C11orf21: variants seen among roughly 807,000 people sequenced by gnomAD.
The protein encoded by C11orf21 is chromosome 11 open reading frame 21, also known as uncharacterized protein C11orf21.
C11orf21 carries 19 observed loss-of-function variants against 15.2 expected under a neutral mutation model. That is an observed-to-expected ratio of 1.25 (90% CI 0.87 to 1.84). The LOEUF (loss-of-function observed/expected upper bound fraction) is 1.84. Ranked by LOEUF, C11orf21 falls within the 40% of genes most tolerant of loss-of-function variation. C11orf21 has a pLI of 0.00. For synonymous variants in C11orf21, 62 were observed against 66.8 expected, an observed-to-expected ratio of 0.93 and a Z score of 0.35; for missense variants, 171 against 174.4, an observed-to-expected ratio of 0.98 and a Z score of 0.11.
In C11orf21 at chr11:2,301,810, A is replaced by T; in HGVS notation, c.-2T>A. 6.4e-7 allele frequency: 1 copy of T among 1,550,698 alleles called. No individual in the cohort carries two copies. The highest frequency in any genetic ancestry group is 1.4e-5 in the African/African-American group (1 of 73,094). Reference sequence around the variant, plus strand: ...CATCCCACACCAGGTCCTGCCCATGACTTTCCCCCTCTCAGCGCCGTCCTC... The same window carrying T: ...CATCCCACACCAGGTCCTGCCCATGTCTTTCCCCCTCTCAGCGCCGTCCTC... On this transcript the variant is annotated 5_prime_UTR_variant, in exon 1 of 4. Coordinates refer to ENST00000381153, the MANE Select transcript of C11orf21 (RefSeq NM_001329958.2).
intron 2 of C11orf21, 37 bp downstream of exon 2, chr11:2,300,470 GGCTCCCTGCCCCC>G: frequency 8.1e-7 from 1 of 1,241,380 alleles, no homozygotes; most frequent in Non-Finnish European, 1.1e-6. Context: ...GGGTTCCACC[GGCTCCCTGCCCCC>G]GCTGGTGGGG....
At chr11:2,302,064 C>CAGTG (rs1847782094), upstream of C11orf21, 2 of 1,495,360 alleles carry the variant, frequency 1.3e-6, no homozygotes, top group Non-Finnish European at 8.9e-7. Flanking sequence ...ACCTCCTGGG[C>CAGTG]AGTGAGCTGC....
At chr11:2,301,195 C>T in intron 1 of C11orf21, 1 of 245,640 alleles carries the variant, frequency 4.1e-6, no homozygotes, top group Non-Finnish European at 8.1e-6. Context: ...GCTGGGGTTG[C>T]CATGCCTGCA....
chr11:2,301,716 C>G, intron 1 of C11orf21, 40 bp downstream of exon 1: 1 of 1,504,668 alleles, frequency 6.6e-7, no homozygotes, highest in Non-Finnish European at 9.0e-7. Context: ...GCCCCCAAGG[C>G]CCAGTCCACA....
intron 2 of C11orf21, among the ~76,000 whole-genome samples, 154 bp from the exon 3 acceptor site, chr11:2,299,861 C>T (rs1847638188): frequency 7.8e-6 from 1 of 128,642 alleles, no homozygotes; most frequent in South Asian, 2.7e-4. Context: ...CACACGCATC[C>T]ATGCCTGCAC....
chr11:2,297,276 G>T lies in C11orf21; in HGVS notation c.*674C>A. The T allele has an allele frequency of 6.5e-6, 1 of 152,776 alleles. No individual in the cohort carries two copies. 9.5% of individuals were successfully genotyped at this position (152,776 alleles called of 1,614,324 possible). Reference sequence around the variant, plus strand: ...ACTGGTGGGCTGTCAGCTCCTGCCTGGGCCCCGGCCTCTTGCCCCTGTCCC... The same window carrying T: ...ACTGGTGGGCTGTCAGCTCCTGCCTTGGCCCCGGCCTCTTGCCCCTGTCCC... On this transcript the variant is annotated 3_prime_UTR_variant, in exon 4 of 4. Transcript: ENST00000381153.
rs192772362 is a variant in C11orf21, at chr11:2,301,450, G to A, written c.53+306C>T. The A allele has an allele frequency of 1.3e-3, 398 of 300,156 alleles. 2 individuals carry two copies. Among genetic ancestry groups the A allele is most frequent in the African/African-American group, 8.4e-3 (384 of 45,890 alleles). The allele number at this position is 300,156 out of a possible 1,614,324, so 18.6% of individuals were successfully genotyped here. A position where few individuals can be genotyped will look rare whatever the true frequency, so the allele number is the denominator to read the frequency against. On this transcript the variant is annotated intron_variant, in intron 1 of 3. Coordinates refer to ENST00000381153, the MANE Select transcript of C11orf21 (RefSeq NM_001329958.2). Reference sequence around the variant, plus strand: ...CCACCCATACGTAATTACACGGCTCGGTGTAATTGCAAATTCGAGGTTTAC... The same window carrying A: ...CCACCCATACGTAATTACACGGCTCAGTGTAATTGCAAATTCGAGGTTTAC...
chr11:2,301,267 C>G (rs566398979), intron 1 of C11orf21: 1 of 203,818 alleles, frequency 4.9e-6, no homozygotes, highest in African/African-American at 2.3e-5. Flanking sequence ...GCAATTCCAG[C>G]ACCGAGGGGC....
rs551432820 is a variant in C11orf21 at position 2,300,613 on chromosome 11, G to A, written c.54C>T (p.Ser18=). 78 of 1,550,612 alleles carry A rather than the reference G, an allele frequency of 5.0e-5. No individual in the cohort carries two copies. Among genetic ancestry groups the A allele is most frequent in the South Asian group, 4.0e-4 (34 of 84,066 alleles). The change falls in exon 2 of 4, where the codon AGC becomes AGT. Residue 18 remains serine (S), a splice_region_variant and synonymous_variant. Transcript: ENST00000381153. Reference sequence around the variant, plus strand: ...ACAAGTGAGGCCACCTGGGCACAGCGCTGGTGTGAGAAGGAGGCCATCAGG... The same window carrying A: ...ACAAGTGAGGCCACCTGGGCACAGCACTGGTGTGAGAAGGAGGCCATCAGG... ...MWRRRRPGRR[S]AVPRWPHLSS...
intron 3 of C11orf21, among the ~76,000 whole-genome samples, chr11:2,298,939 G>T (rs564259858): frequency 6.6e-6 from 1 of 152,182 alleles, no homozygotes. Flanking sequence ...GTTGGCCAGC[G>T]GAGGCAGCAG....
At chr11:2,302,214 T>G (rs1393926605), upstream of C11orf21, 4 of 1,312,110 alleles carry the variant, frequency 3.0e-6, no homozygotes, top group South Asian at 4.2e-5. Context: ...TTCTTTATCT[T>G]GGTAACAGGC....
At chr11:2,298,238 G>A (rs759609733) in intron 3 of C11orf21, among the ~76,000 whole-genome samples, 9 of 152,242 alleles carry the variant, frequency 5.9e-5, no homozygotes, top group Non-Finnish European at 1.3e-4. Flanking sequence ...ACCTGTCCCA[G>A]AGAGAGGGCA....
Position 2,299,508 on chromosome 11 carries a change from G to A in C11orf21, c.347C>T (p.Ser116Phe). ...GGCCCGAGGACACAGCTTTCCAGAG[G>A]AGGGGCCTGCTTCTAAGTCCAAGTC... Reference protein sequence around the residue: ...GWDLDLEAGPSSGKLCPRARR... With the variant: ...GWDLDLEAGPFSGKLCPRARR... The change falls in exon 3 of 4, where the codon TCC (serine) becomes TTC (phenylalanine). Residue 116 changes from serine to phenylalanine, a missense_variant. Transcript: ENST00000381153. 1 of 1,550,528 alleles carries A rather than the reference G, an allele frequency of 6.4e-7. No homozygotes were observed. Among genetic ancestry groups the A allele is most frequent in the Non-Finnish European group, 8.7e-7 (1 of 1,146,968 alleles).
chr11:2,299,557 G>C lies in C11orf21; in HGVS notation c.298C>G (p.Pro100Ala). 1 of 1,550,774 alleles carries C rather than the reference G, an allele frequency of 6.4e-7. No individual in the cohort carries two copies. Residue 100 changes from proline to alanine, a missense_variant, in exon 3 of 4, where the codon CCC (proline) becomes GCC (alanine). Transcript: ENST00000381153. ...TCCCATCCCAGCCGGATAGCCAGGG[G>C]CAACTGCCCAGGTAAACTGAGACAG... ...CCCLSLPGQL[P>A]LAIRLGWDLD...
Position 2,301,763 on chromosome 11 carries a change from TC to T in C11orf21, c.45del (p.Arg16GlyfsTer40). ...WCGMWRRRRP[G>X]RRSAVPRWPH... ...CCAGGACGGGGAGCTCACCTCCTCC[TC>T]CCCGGGCGCCGTCTCCTCCACATCC... On this transcript the variant is annotated frameshift_variant, in exon 1 of 4. Coordinates refer to ENST00000381153, the MANE Select transcript of C11orf21 (RefSeq NM_001329958.2). LOFTEE classifies it high-confidence loss of function. The T allele has an allele frequency of 6.5e-7, 1 of 1,548,726 alleles. No homozygotes were observed.
chr11:2,298,259 G>A (rs1028577817), intron 3 of C11orf21, among the ~76,000 whole-genome samples: 2 of 152,250 alleles, frequency 1.3e-5, no homozygotes, highest in African/African-American at 4.8e-5. Flanking sequence ...GCCTGGCAAT[G>A]GGCCTGGGCC....
At chr11:2,300,439 G>T in intron 2 of C11orf21, 81 bp downstream of exon 2, 3 of 866,036 alleles carry the variant, frequency 3.5e-6, no homozygotes, top group East Asian at 2.7e-5. Flanking sequence ...GTGGGAGGGT[G>T]TGGCTCAGCA....
intron 1 of C11orf21, chr11:2,300,829 C>T: frequency 1.3e-6 from 2 of 1,502,672 alleles, no homozygotes; most frequent in East Asian, 4.9e-5. Context: ...ACGGGCTGCC[C>T]ACTTGCACAG....
At chr11:2,301,443 ACGGCT>A in intron 1 of C11orf21, 1 of 283,574 alleles carries the variant, frequency 3.5e-6, no homozygotes. Flanking sequence ...ACGTAATTAC[ACGGCT>A]CGGTGTAATT....
Sources: gnomAD v4.1 joint callset for allele counts (sites outside exome capture counted in the v4.1 genomes callset) on GRCh38, gnomAD v4.1.1 for gene constraint, MANE v1.5 for transcripts, NCBI Gene and HGNC (gene_info 2026-07-23, HGNC 2026-07-21) for gene names.